JAKMIP3: variants seen among roughly 807,000 people sequenced by gnomAD.
JAKMIP3 encodes the protein janus kinase and microtubule-interacting protein 3.
A neutral mutation model predicts 118.5 loss-of-function variants in JAKMIP3; 58 were observed. That is an observed-to-expected ratio of 0.49 (90% CI 0.40 to 0.61). JAKMIP3 has a LOEUF of 0.61. JAKMIP3 is among the 20% of genes least tolerant of loss of function. JAKMIP3 has a pLI of 0.00. For synonymous variants in JAKMIP3, 486 were observed against 451.2 expected (o/e 1.08, Z -0.98); for missense variants, 950 against 1,109.0 (o/e 0.86, Z 2.04).
chr10:132,098,452 T>A (rs2134657811), intron 1 of JAKMIP3, among the ~76,000 whole-genome samples: 1 of 152,344 alleles, frequency 6.6e-6, no homozygotes, highest in East Asian at 1.9e-4. Context: ...TGCAGAGATT[T>A]TGTGGATGAT....
intron 19 of JAKMIP3, among the ~76,000 whole-genome samples, chr10:132,157,300 C>CTTTCT (rs1554954233): frequency 6.6e-6 from 1 of 152,094 alleles, no homozygotes; most frequent in Non-Finnish European, 1.5e-5. Flanking sequence ...GCATGCTTCC[C>CTTTCT]TTTCACCTGA....
intron 16 of JAKMIP3, among the ~76,000 whole-genome samples, chr10:132,152,214 G>A (rs1205037876): frequency 6.6e-6 from 1 of 152,246 alleles, no homozygotes; most frequent in Non-Finnish European, 1.5e-5. Flanking sequence ...ACCCTGTGCA[G>A]ACTTTGGGGT....
At chr10:132,148,363 G>A (rs546292363) in intron 14 of JAKMIP3, among the ~76,000 whole-genome samples, 1 of 152,176 alleles carries the variant, frequency 6.6e-6, no homozygotes, top group Non-Finnish European at 1.5e-5. Flanking sequence ...TCAGTGTCAT[G>A]CAGGGAAAAC....
rs1254379331 is a variant in JAKMIP3, at chr10:132,135,054, A to T, written c.863A>T (p.Asp288Val). Residue 288 changes from aspartate (D) to valine (V), a missense_variant, in exon 5 of 24, where the codon GAT (aspartate) becomes GTT (valine). Physicochemically the swap from Asp to Val is radical, Grantham distance 152 (BLOSUM62 -3). Coordinates refer to ENST00000684848, the MANE Select transcript of JAKMIP3 (RefSeq NM_001323087.2). ...TTTTTGTTTTAGGAACAGCAGTTGG[A>T]TGAAAAAGATGCCCGGCGCTTCCAG... The part of the protein sequence containing the change: ...DHSGSPEQQL[D>V]EKDARRFQLK... The T allele has an allele frequency of 1.2e-6, 2 of 1,613,538 alleles. No homozygotes were observed. The highest frequency in any genetic ancestry group is 1.7e-6 in the Non-Finnish European group (2 of 1,179,502).
intron 1 of JAKMIP3, among the ~76,000 whole-genome samples, chr10:132,066,662 C>T (rs1287798909): frequency 1.3e-5 from 2 of 152,212 alleles, no homozygotes; most frequent in African/African-American, 2.4e-5. Flanking sequence ...ACACATCACT[C>T]ATTGATATAA....
intron 1 of JAKMIP3, among the ~76,000 whole-genome samples, chr10:132,101,356 C>T (rs1420686405): frequency 6.6e-6 from 1 of 152,128 alleles, no homozygotes; most frequent in Non-Finnish European, 1.5e-5. Flanking sequence ...ACCCCCCAAC[C>T]CCACCACTGA....
At chr10:132,047,375 G>A (rs995698309) in intron 1 of JAKMIP3, among the ~76,000 whole-genome samples, 2 of 152,240 alleles carry the variant, frequency 1.3e-5, no homozygotes, top group African/African-American at 4.8e-5. Context: ...AGTTTCCAGA[G>A]AGGAACGCAT....
chr10:132,132,679 C>T (rs2050865132), intron 3 of JAKMIP3, among the ~76,000 whole-genome samples: 1 of 152,242 alleles, frequency 6.6e-6, no homozygotes, highest in South Asian at 2.1e-4. Flanking sequence ...TGTGGCTCTG[C>T]CTGAAGACAG....
At chr10:132,141,833 A>T in intron 10 of JAKMIP3, 87 bp from the exon 11 acceptor site, 1 of 1,446,324 alleles carries the variant, frequency 6.9e-7, no homozygotes, top group Non-Finnish European at 9.3e-7. Context: ...TCTGGGGAGA[A>T]GGGAAGCCCC....
At chr10:132,055,956 G>A (rs1224610649) in intron 1 of JAKMIP3, among the ~76,000 whole-genome samples, 2 of 152,144 alleles carry the variant, frequency 1.3e-5, no homozygotes, top group African/African-American at 2.4e-5. Context: ...CAGTGCATGC[G>A]GATGGTCCAG....
chr10:132,106,152 T>C (rs11146182), intron 2 of JAKMIP3, among the ~76,000 whole-genome samples: 26,630 of 148,728 alleles, frequency 0.18, 2,412 homozygotes, highest in East Asian at 0.21. Flanking sequence ...CTGGGCAACA[T>C]AGGGAGACCT....
chr10:132,102,775 C>T (rs1295286188), intron 1 of JAKMIP3, among the ~76,000 whole-genome samples: 3 of 152,224 alleles, frequency 2.0e-5, no homozygotes, highest in Non-Finnish European at 4.4e-5. Context: ...CCCACACCCA[C>T]ACAGCTTGGC....
Position 132,168,427 on chromosome 10 carries a change from C to T in JAKMIP3, c.*497C>T. 3.1e-6 allele frequency: 4 copies of T among 1,285,568 alleles called. No individual in the cohort carries two copies. Among genetic ancestry groups the T allele is most frequent in the Non-Finnish European group, 4.1e-6 (4 of 985,730 alleles). The allele number at this position is 1,285,568 out of a possible 1,614,324, so 79.6% of individuals were successfully genotyped here. A position where few individuals can be genotyped will look rare whatever the true frequency, so the allele number is the denominator to read the frequency against. ...TGAAAGCTGGACGGTGACCTTCATT[C>T]AGGGGAACCTGGAGGCTCCCTGGGA... On this transcript the variant is annotated 3_prime_UTR_variant, in exon 23 of 24. Transcript: ENST00000684848.
intron 3 of JAKMIP3, among the ~76,000 whole-genome samples, chr10:132,123,173 C>T (rs2048853163): frequency 6.6e-6 from 1 of 152,192 alleles, no homozygotes; most frequent in African/African-American, 2.4e-5. Context: ...AGTGCCCCAT[C>T]CTGTCCGTGC....
intron 3 of JAKMIP3, among the ~76,000 whole-genome samples, chr10:132,119,875 T>TTG (rs2048267699): frequency 6.6e-6 from 1 of 152,164 alleles, no homozygotes; most frequent in Non-Finnish European, 1.5e-5. Context: ...AAACAAGATG[T>TTG]TACAACCAAT....
intron 1 of JAKMIP3, among the ~76,000 whole-genome samples, chr10:132,092,304 A>T (rs1391672725): frequency 6.6e-6 from 1 of 152,002 alleles, no homozygotes; most frequent in Non-Finnish European, 1.5e-5. Context: ...CTGAATTTGA[A>T]TGTTGGCCTG....
At chr10:132,045,909 G>A (rs1365222742) in intron 1 of JAKMIP3, among the ~76,000 whole-genome samples, 1 of 148,326 alleles carries the variant, frequency 6.7e-6, no homozygotes, top group Non-Finnish European at 1.5e-5. Flanking sequence ...ACTCCAGCCT[G>A]GGTGACAGAG....
chr10:132,127,392 T>TTG (rs145559558), intron 3 of JAKMIP3, among the ~76,000 whole-genome samples: 65,867 of 146,768 alleles, frequency 0.45, 15,366 homozygotes, highest in Non-Finnish European at 0.52. Flanking sequence ...CTGGCTAATT[T>TTG]TGTGTGTGTG....
At chr10:132,092,001 T>C (rs903738194) in intron 1 of JAKMIP3, among the ~76,000 whole-genome samples, 3 of 152,194 alleles carry the variant, frequency 2.0e-5, no homozygotes, top group African/African-American at 7.2e-5. Context: ...TGCTTGTCTG[T>C]GAAGGATTTT....
Sources: gnomAD v4.1 joint callset for allele counts (sites outside exome capture counted in the v4.1 genomes callset) on GRCh38, gnomAD v4.1.1 for gene constraint, MANE v1.5 for transcripts, NCBI Gene and HGNC (gene_info 2026-07-23, HGNC 2026-07-21) for gene names.